Variants in SLC47A1 observed in about 807,000 individuals in gnomAD.
SLC47A1 encodes the protein multidrug and toxin extrusion protein 1.
Under a neutral mutation model 65.8 loss-of-function variants are expected in SLC47A1, and 58 were observed. That is an observed-to-expected ratio of 0.88 (90% confidence interval 0.71 to 1.10). SLC47A1 has a LOEUF of 1.10. Ranked by LOEUF, SLC47A1 falls within the 50% of genes least tolerant of loss-of-function variation. SLC47A1 has a pLI of 0.00. For missense variants in SLC47A1, 706 were observed against 719.2 expected, an observed-to-expected ratio of 0.98 and a Z score of 0.21; for synonymous variants, 285 against 295.0, an observed-to-expected ratio of 0.97 and a Z score of 0.35.
chr17:19,535,892 A>G (rs1232298985), intron 1 of SLC47A1, among the ~76,000 whole-genome samples: 1 of 152,212 alleles, frequency 6.6e-6, no homozygotes, highest in African/African-American at 2.4e-5. Context: ...AATGGAGATA[A>G]TAATCATGTC....
intron 16 of SLC47A1, among the ~76,000 whole-genome samples, chr17:19,575,623 C>G (rs1278964552): frequency 6.6e-6 from 1 of 152,080 alleles, no homozygotes; most frequent in Non-Finnish European, 1.5e-5. Flanking sequence ...TGGTCTTGAA[C>G]TTCTGGATTC....
At position 19,578,466 on chromosome 17, in the gene SLC47A1, G is replaced by T; in HGVS notation, c.*913G>T. 1 of 179,836 alleles carries T rather than the reference G, an allele frequency of 5.6e-6. No individual in the cohort carries two copies. Among genetic ancestry groups the T allele is most frequent in the Non-Finnish European group, 1.2e-5 (1 of 85,226 alleles). 11.1% of individuals were successfully genotyped at this position (179,836 alleles called of 1,614,324 possible). A position where few individuals can be genotyped will look rare whatever the true frequency, so the allele number is the denominator to read the frequency against. ...CCACCTTGCCCTCCCAAAGTGTTGG[G>T]ATTATAGGCATGAGCCACCACGACT... is the stretch of plus-strand genomic sequence containing the variant. On this transcript the variant is annotated 3_prime_UTR_variant, in exon 17 of 17. Transcript: ENST00000270570.
At chr17:19,574,114 A>G (rs531594340) in intron 16 of SLC47A1, among the ~76,000 whole-genome samples, 1 of 151,570 alleles carries the variant, frequency 6.6e-6, no homozygotes, top group African/African-American at 2.4e-5. Context: ...GTGGATATGG[A>G]GTTTCACCAC....
rs956581973 is a variant in SLC47A1 at position 19,577,768 on chromosome 17, G to A, written c.*215G>A. On this transcript the variant is annotated 3_prime_UTR_variant, in exon 17 of 17. Coordinates refer to ENST00000270570, the MANE Select transcript of SLC47A1 (RefSeq NM_018242.3). ...CAAGACACTGTCTGAAAGATGACAT[G>A]AGTAGTAATTCACCACTATCTGAAC... 45 of 1,385,612 alleles carry A rather than the reference G, an allele frequency of 3.2e-5. No individual in the cohort carries two copies. In the East Asian group the frequency reaches 3.4e-4, roughly 11 times the overall value. The allele number at this position is 1,385,612 out of a possible 1,614,324, so 85.8% of individuals were successfully genotyped here. A position where few individuals can be genotyped will look rare whatever the true frequency, so the allele number is the denominator to read the frequency against.
chr17:19,560,078 C>T (rs535916240), intron 10 of SLC47A1, 110 bp from the exon 11 acceptor site: 48 of 752,968 alleles, frequency 6.4e-5, no homozygotes, highest in African/African-American at 6.2e-4. Context: ...CTTTTCAAAA[C>T]TTTTAGGACC....
intron 4 of SLC47A1, 95 bp from the exon 5 acceptor site, chr17:19,549,539 GA>G (rs1916387405): frequency 2.3e-6 from 3 of 1,310,564 alleles, no homozygotes; most frequent in Admixed American, 1.7e-5. Flanking sequence ...GCCAAGAATG[GA>G]AAAGGCAGTT....
At chr17:19,571,402 A>G (rs1261290108) in intron 14 of SLC47A1, 76 bp from the exon 15 acceptor site, 2 of 1,278,830 alleles carry the variant, frequency 1.6e-6, no homozygotes, top group Middle Eastern at 2.0e-4. Flanking sequence ...GACAGAAGTG[A>G]TATAGGCAAA....
chr17:19,555,190 G>A, intron 6 of SLC47A1, 22 bp from the exon 7 acceptor site: 2 of 1,607,546 alleles, frequency 1.2e-6, no homozygotes, highest in Non-Finnish European at 1.7e-6. Context: ...CTCAAGGATG[G>A]CATGCGGTGT....
Position 19,546,606 on chromosome 17 carries a change from C to T in SLC47A1, c.306+103C>T, listed in dbSNP as rs1321896607. On this transcript the variant is annotated intron_variant, in intron 3 of 16. Coordinates refer to ENST00000270570, the MANE Select transcript of SLC47A1 (RefSeq NM_018242.3). Reference sequence around the variant, plus strand: ...GGAAGAGTTCAGCAGCCAGCACTTGCAGCACCTATCAGCCAGCAACTCCTC... The same window carrying T: ...GGAAGAGTTCAGCAGCCAGCACTTGTAGCACCTATCAGCCAGCAACTCCTC... 5.8e-6 allele frequency: 6 copies of T among 1,027,802 alleles called. No individual in the cohort carries two copies. The Admixed American group carries it at 6.2e-5, about 11-fold the overall frequency. 63.7% of individuals were successfully genotyped at this position (1,027,802 alleles called of 1,614,324 possible). A position where few individuals can be genotyped will look rare whatever the true frequency, so the allele number is the denominator to read the frequency against.
intron 16 of SLC47A1, among the ~76,000 whole-genome samples, chr17:19,574,303 G>T (rs1194875787): frequency 6.6e-6 from 1 of 152,006 alleles, no homozygotes; most frequent in African/African-American, 2.4e-5. Flanking sequence ...CCTGATTCTT[G>T]GTAGGTACCC....
Position 19,577,677 on chromosome 17 carries a change from G to A in SLC47A1, c.*124G>A. ...GTGTGCCCATGGATTTTGAGGGCTGGAAATGCAAAGACACATTTTTCTATA... is the reference window on the plus strand; with the variant it reads ...GTGTGCCCATGGATTTTGAGGGCTGAAAATGCAAAGACACATTTTTCTATA... On this transcript the variant is annotated 3_prime_UTR_variant, in exon 17 of 17. Transcript: ENST00000270570. 1 of 1,480,282 alleles carries A rather than the reference G, an allele frequency of 6.8e-7. No homozygotes were observed. 91.7% of individuals were successfully genotyped at this position (1,480,282 alleles called of 1,614,324 possible).
intron 16 of SLC47A1, among the ~76,000 whole-genome samples, chr17:19,574,379 T>C (rs2084423169): frequency 6.6e-6 from 1 of 152,134 alleles, no homozygotes; most frequent in Admixed American, 6.5e-5. Flanking sequence ...CTGACCTGCA[T>C]CCTCTCATCT....
intron 16 of SLC47A1, among the ~76,000 whole-genome samples, 193 bp downstream of exon 16, chr17:19,573,054 G>T (rs368671404): frequency 2.6e-5 from 4 of 152,188 alleles, no homozygotes; most frequent in Non-Finnish European, 4.4e-5. Context: ...TTAGTAAACC[G>T]CTATAGATGA....
rs1915946605 is a variant in SLC47A1, at chr17:19,534,812, T to G, written c.135+738T>G. 2.6e-5 allele frequency: 4 copies of G among 152,176 alleles called. No homozygotes were observed. In the South Asian group the frequency reaches 8.3e-4, roughly 32 times the overall value. The allele number at this position is 152,176 out of a possible 1,614,324, so 9.4% of individuals were successfully genotyped here. On this transcript the variant is annotated intron_variant, in intron 1 of 16. Transcript: ENST00000270570. Reference sequence around the variant, plus strand: ...AGGTTAGGGCTGTTTCTGCCTTGTCTCCTAAAAATAATGTGGTTTTAAAAA... The same window carrying G: ...AGGTTAGGGCTGTTTCTGCCTTGTCGCCTAAAAATAATGTGGTTTTAAAAA...
Position 19,533,976 on chromosome 17 carries a change from G to A in SLC47A1, c.37G>A (p.Gly13Ser). Reference protein sequence around the residue: ...APEEPAPVRGGPEATLEVRGS... With the variant: ...APEEPAPVRGSPEATLEVRGS... ...TGAGGAGCCCGCGCCAGTGCGCGGA[G>A]GCCCGGAGGCCACCCTTGAGGTCCG... The change falls in exon 1 of 17, where the codon GGC becomes AGC. Residue 13 changes from glycine (G) to serine (S), a missense_variant. Transcript: ENST00000270570. 4 of 1,538,830 alleles carry A rather than the reference G, an allele frequency of 2.6e-6. No homozygotes were observed. The highest frequency in any genetic ancestry group is 2.6e-6 in the Non-Finnish European group (3 of 1,145,144).
Position 19,577,689 on chromosome 17 carries a change from C to A in SLC47A1, c.*136C>A. ...ATTTTGAGGGCTGGAAATGCAAAGA[C>A]ACATTTTTCTATAAAAAGAAAAAGC... On this transcript the variant is annotated 3_prime_UTR_variant, in exon 17 of 17. Transcript: ENST00000270570. 1.4e-6 allele frequency: 2 copies of A among 1,461,244 alleles called. No individual in the cohort carries two copies. Among genetic ancestry groups the A allele is most frequent in the Non-Finnish European group, 9.0e-7 (1 of 1,114,278 alleles). 90.5% of individuals were successfully genotyped at this position (1,461,244 alleles called of 1,614,324 possible).
chr17:19,546,822 G>C (rs1916303808), intron 3 of SLC47A1, among the ~76,000 whole-genome samples: 1 of 152,136 alleles, frequency 6.6e-6, no homozygotes, highest in Non-Finnish European at 1.5e-5. Flanking sequence ...TGCATTGATT[G>C]AGCTTGGAGA....
intron 1 of SLC47A1, among the ~76,000 whole-genome samples, chr17:19,540,876 A>ACACACACACACACC (rs774836898): frequency 6.7e-6 from 1 of 149,758 alleles, no homozygotes; most frequent in East Asian, 2.0e-4. Context: ...ACACACACAC[A>ACACACACACACACC]CCCCTAGGGT....
At position 19,567,100 on chromosome 17, in the gene SLC47A1, C is replaced by T. The variant is rs1157104934; in HGVS notation, c.1181C>T (p.Thr394Met). Reference protein sequence around the residue: ...VSHLFEALACTSGGVLRGSGN... With the variant: ...VSHLFEALACMSGGVLRGSGN... The stretch of plus-strand genomic sequence containing the variant: ...TGGAATGCTCTCTGCCTGCAGTGCA[C>T]GAGTGGTGGTGTTCTGAGGGGGAGT... Residue 394 changes from threonine (T) to methionine (M), a missense_variant, in exon 14 of 17, where the codon ACG (threonine) becomes ATG (methionine). By Grantham distance (81) the Thr-to-Met change is moderately conservative. Coordinates refer to ENST00000270570, the MANE Select transcript of SLC47A1 (RefSeq NM_018242.3). The T allele has an allele frequency of 5.6e-6, 9 of 1,613,980 alleles. No homozygotes were observed. The highest frequency in any genetic ancestry group is 3.3e-5 in the Admixed American group (2 of 59,996).
Sources: gnomAD v4.1 joint callset for allele counts (sites outside exome capture counted in the v4.1 genomes callset) on GRCh38, gnomAD v4.1.1 for gene constraint, MANE v1.5 for transcripts, NCBI Gene and HGNC (gene_info 2026-07-23, HGNC 2026-07-21) for gene names.